Variants in PPP1R12C observed in about 807,000 individuals in gnomAD.
PPP1R12C encodes the protein leukocyte receptor cluster (LRC) encoded novel gene 3.
In PPP1R12C, 48 loss-of-function variants were observed where a neutral mutation model predicts 95.6. The observed-to-expected ratio is 0.50, with a 90% CI of 0.40 to 0.64. The LOEUF is 0.64. Among genes scored for constraint, PPP1R12C ranks in the 30% least tolerant of loss-of-function variants. PPP1R12C has a pLI of 0.00. For missense variants in PPP1R12C, 1,057 were observed against 1,083.3 expected, an observed-to-expected ratio of 0.98 and a Z score of 0.34; for synonymous variants, 480 against 460.8, an observed-to-expected ratio of 1.04 and a Z score of -0.53.
chr19:55,095,009 C>A (rs1472312929), intron 11 of PPP1R12C: 3 of 708,148 alleles, frequency 4.2e-6, no homozygotes, highest in Non-Finnish European at 7.1e-6. Context: ...AGCAGCAGTG[C>A]GAGAACTGAG....
rs769323887 is a variant in PPP1R12C at position 55,095,506 on chromosome 19, G to T, written c.1325C>A (p.Ala442Asp). 1 of 1,574,310 alleles carries T rather than the reference G, an allele frequency of 6.4e-7. No homozygotes were observed. Among genetic ancestry groups the T allele is most frequent in the South Asian group, 1.2e-5 (1 of 86,004 alleles). The stretch of plus-strand genomic sequence containing the variant: ...CGAGCGCTGCAGCCCAGCCCCAGGG[G>T]CTCCCTCCGCTGTCCGCCTTTCAGG... ...GPPERRTAEGAPGAGLQRSAS... is the reference protein window; with the variant it reads ...GPPERRTAEGDPGAGLQRSAS... The change falls in exon 10 of 22, where the codon GCC (alanine) becomes GAC (aspartate). Residue 442 changes from alanine (A) to aspartate (D), a missense_variant. Physicochemically the swap from Ala to Asp is moderately radical, Grantham distance 126. Transcript: ENST00000263433.
At chr19:55,092,141 G>T in intron 19 of PPP1R12C, 81 bp downstream of exon 19, 1 of 1,328,394 alleles carries the variant, frequency 7.5e-7, no homozygotes, top group Non-Finnish European at 1.0e-6. Context: ...GCACCCCCAG[G>T]CCAGGCTCTA....
chr19:55,094,565 C>T, intron 12 of PPP1R12C, 96 bp downstream of exon 12: 1 of 1,534,868 alleles, frequency 6.5e-7, no homozygotes, highest in South Asian at 1.2e-5. Context: ...GGCCAGCTCT[C>T]CCTCAGGAGC....
intron 3 of PPP1R12C, among the ~76,000 whole-genome samples, chr19:55,110,380 G>A (rs2085082577): frequency 1.4e-5 from 2 of 141,434 alleles, no homozygotes; most frequent in Middle Eastern, 3.8e-3. Flanking sequence ...TAGCATCAAG[G>A]TTGGTGCGGT....
chr19:55,107,338 C>T (rs2085049121), intron 3 of PPP1R12C, among the ~76,000 whole-genome samples: 2 of 151,994 alleles, frequency 1.3e-5, no homozygotes, highest in South Asian at 4.1e-4. Context: ...TGCTTGAACC[C>T]GGGAGGCAGA....
intron 11 of PPP1R12C, 76 bp downstream of exon 11, chr19:55,095,211 TCTCA>T: frequency 1.4e-6 from 2 of 1,426,292 alleles, no homozygotes; most frequent in Non-Finnish European, 1.9e-6. Flanking sequence ...GGGTACATGG[TCTCA>T]CTCAGGATCA....
chr19:55,112,406 A>G, intron 3 of PPP1R12C, 61 bp downstream of exon 3: 2 of 1,481,368 alleles, frequency 1.4e-6, no homozygotes, highest in Non-Finnish European at 1.8e-6. Flanking sequence ...TAAAGCTCTC[A>G]GCCTGGAGAC....
Position 55,112,838 on chromosome 19 carries a change from C to A in PPP1R12C, c.322-43G>T, listed in dbSNP as rs756206313. On this transcript the variant is annotated intron_variant, in intron 1 of 21. Coordinates refer to ENST00000263433, the MANE Select transcript of PPP1R12C (RefSeq NM_017607.4). ...CCGTCAGCCGCACCTACCCCAGCCA[C>A]GGTGTCCCAGCAAGTCGGGACTCCA... 5 of 1,606,436 alleles carry A rather than the reference C, an allele frequency of 3.1e-6. No individual in the cohort carries two copies. The African/African-American group carries it at 5.3e-5, about 17-fold the overall frequency.
intron 19 of PPP1R12C, 49 bp from the exon 20 acceptor site, chr19:55,091,958 G>A (rs749837037): frequency 6.2e-7 from 1 of 1,602,592 alleles, no homozygotes; most frequent in Non-Finnish European, 8.5e-7. Flanking sequence ...AGCCAGCACT[G>A]CTCTGAAGGG....
At chr19:55,115,894 C>T (rs2085148359) in intron 1 of PPP1R12C, among the ~76,000 whole-genome samples, 1 of 152,102 alleles carries the variant, frequency 6.6e-6, no homozygotes. Context: ...ACATGCTGTC[C>T]TGAAGTGGAC....
rs190536414 is a variant in PPP1R12C, at chr19:55,109,155, G to A, written c.571+3312C>T. Among the ~76,000 whole-genome samples the A allele has an allele frequency of 5.5e-3, 836 of 152,230 alleles. 7 individuals carry two copies. Among genetic ancestry groups the A allele is most frequent in the African/African-American group, 0.019 (792 of 41,550 alleles). On this transcript the variant is annotated intron_variant, in intron 3 of 21. Coordinates refer to ENST00000263433, the MANE Select transcript of PPP1R12C (RefSeq NM_017607.4). The surrounding 1 kb of genome is among the most constrained non-coding windows in gnomAD (Gnocchi z 4.4). ...TGGTTGAGACAGGGTCTTGCCCCCA[G>A]GCTGGAGTGACCGTGGTTCACTGCA...
Position 55,117,512 on chromosome 19 carries a change from G to C in PPP1R12C, c.32C>G (p.Pro11Arg). 1 of 1,024,172 alleles carries C rather than the reference G, an allele frequency of 9.8e-7. No homozygotes were observed. The highest frequency in any genetic ancestry group is 1.2e-6 in the Non-Finnish European group (1 of 856,062). 63.4% of individuals were successfully genotyped at this position (1,024,172 alleles called of 1,614,324 possible). Reference protein sequence around the residue: MSGEDGPAAGPGAAAAAARER... With the variant: MSGEDGPAAGRGAAAAAARER... ...CCGGGCAGCCGCCGCCGCCGCCCCC[G>C]GGCCAGCCGCCGGGCCATCCTCTCC... Residue 11 changes from proline (P) to arginine (R), a missense_variant, in exon 1 of 22, where the codon CCG (proline) becomes CGG (arginine). Coordinates refer to ENST00000263433, the MANE Select transcript of PPP1R12C (RefSeq NM_017607.4).
intron 3 of PPP1R12C, among the ~76,000 whole-genome samples, chr19:55,107,252 A>G (rs1467749007): frequency 6.6e-6 from 1 of 152,102 alleles, no homozygotes; most frequent in East Asian, 1.9e-4. Flanking sequence ...CATCTCTACT[A>G]AAAATACAAA....
chr19:55,100,803 G>A (rs138608715), intron 4 of PPP1R12C, among the ~76,000 whole-genome samples: 3 of 152,024 alleles, frequency 2.0e-5, no homozygotes, highest in East Asian at 2.0e-4. Flanking sequence ...TAATAGCGAC[G>A]GGGTTTCACT....
At position 55,112,555 on chromosome 19, in the gene PPP1R12C, G is replaced by A. The variant is rs747129085; in HGVS notation, c.483C>T (p.Ala161=). The change falls in exon 3 of 22, where the codon GCC becomes GCT. Residue 161 remains alanine, a synonymous_variant. Transcript: ENST00000263433. ...RYLLSHGANI[A]AVNSDGDLPL... ...GCAGGTCCCCGTCACTGTTGACGGC[G>A]GCGATGTTGGCCCCGTGGCTCAGGA... 35 of 1,613,112 alleles carry A rather than the reference G, an allele frequency of 2.2e-5. No homozygotes were observed. The Admixed American group carries it at 2.5e-4, about 12-fold the overall frequency.
chr19:55,099,654 C>G (rs1483489505), intron 4 of PPP1R12C, among the ~76,000 whole-genome samples: 1 of 152,238 alleles, frequency 6.6e-6, no homozygotes, highest in African/African-American at 2.4e-5. Flanking sequence ...GAGGCTGCTC[C>G]ACACCCGGCT....
Position 55,117,580 on chromosome 19 carries a change from G to A in PPP1R12C, c.-37C>T, listed in dbSNP as rs2085170341. 7 of 986,004 alleles carry A rather than the reference G, an allele frequency of 7.1e-6. No individual in the cohort carries two copies. Among genetic ancestry groups the A allele is most frequent in the African/African-American group, 1.8e-5 (1 of 56,684 alleles). The allele number at this position is 986,004 out of a possible 1,614,324, so 61.1% of individuals were successfully genotyped here. On this transcript the variant is annotated 5_prime_UTR_variant, in exon 1 of 22. Transcript: ENST00000263433. The stretch of plus-strand genomic sequence containing the variant: ...CCCGCCCAGCGAGCGAGCGAGCGCC[G>A]AGCCCCAACCGCCGCCACCACCCGC...
intron 3 of PPP1R12C, among the ~76,000 whole-genome samples, chr19:55,107,995 G>C (rs1250274267): frequency 6.7e-6 from 1 of 149,458 alleles, no homozygotes; most frequent in Non-Finnish European, 1.5e-5. Context: ...GAGTGCAGTG[G>C]TGAGATCTCG....
intron 18 of PPP1R12C, 32 bp downstream of exon 18, chr19:55,092,410 G>A (rs774069596): frequency 3.4e-5 from 54 of 1,582,880 alleles, no homozygotes; most frequent in Non-Finnish European, 4.6e-5. Flanking sequence ...GCACCCAGCA[G>A]GCAAAGCCCC....
Sources: allele counts gnomAD v4.1 joint callset (sites outside exome capture counted in the v4.1 genomes callset), GRCh38; gene constraint gnomAD v4.1.1; non-coding constraint Gnocchi (gnomAD v3.1); transcripts MANE v1.5; gene names NCBI Gene and HGNC (gene_info 2026-07-23, HGNC 2026-07-21).